The following KCNK13 variants were observed in gnomAD, a reference collection of about 807,000 sequenced individuals.
KCNK13 encodes the protein potassium channel subfamily K member 13.
In KCNK13, 12 loss-of-function variants were observed where a neutral mutation model predicts 23.4. The observed-to-expected ratio is 0.51, with a 90% CI of 0.33 to 0.83. The LOEUF is 0.83. Among genes scored for constraint, KCNK13 ranks in the 40% least tolerant of loss-of-function variants. KCNK13 has a pLI of 0.02. For missense variants in KCNK13, 463 were observed against 556.3 expected (o/e 0.83, Z 1.69); for synonymous variants, 231 against 229.5 (o/e 1.01, Z -0.06).
intron 1 of KCNK13, among the ~76,000 whole-genome samples, chr14:90,125,221 ATTT>A (rs57748519): frequency 1.6e-3 from 234 of 144,452 alleles, no homozygotes; most frequent in African/African-American, 5.3e-3. Context: ...GATCTACTTA[ATTT>A]TTTTTTTTTT....
At chr14:90,100,991 G>C (rs1303181241) in intron 1 of KCNK13, among the ~76,000 whole-genome samples, 2 of 152,096 alleles carry the variant, frequency 1.3e-5, no homozygotes, top group Non-Finnish European at 2.9e-5. Flanking sequence ...ACCGTGCCTG[G>C]CCAGCACGAG....
At chr14:90,132,712 C>T (rs1889889630) in intron 1 of KCNK13, among the ~76,000 whole-genome samples, 1 of 152,064 alleles carries the variant, frequency 6.6e-6, no homozygotes, top group African/African-American at 2.4e-5. Context: ...TACTTAATGC[C>T]ACTGAACTGT....
intron 1 of KCNK13, among the ~76,000 whole-genome samples, chr14:90,134,638 G>C (rs1297668989): frequency 2.6e-5 from 4 of 152,196 alleles, no homozygotes; most frequent in African/African-American, 4.8e-5. Context: ...CTTTACATTA[G>C]TATAGGATAA....
intron 1 of KCNK13, among the ~76,000 whole-genome samples, chr14:90,080,196 G>C (rs1162838038): frequency 1.3e-5 from 2 of 152,280 alleles, no homozygotes; most frequent in Admixed American, 1.3e-4. Flanking sequence ...GCTCACACCT[G>C]TAACCCCAGC....
rs1166128657 is a variant in KCNK13 at position 90,125,615 on chromosome 14, ACACACACACACG to A, written c.335-58494_335-58483del. ...CACACACACGCACACACACACACAC[ACACACACACACG>A]CGCACACACACACAATGATGGAGTA... On this transcript the variant is annotated intron_variant, in intron 1 of 1. Coordinates refer to ENST00000282146, the MANE Select transcript of KCNK13 (RefSeq NM_022054.4). Among the ~76,000 whole-genome samples the A allele has an allele frequency of 4.3e-3, 283 of 65,412 alleles. 1 individual carries two copies. Among genetic ancestry groups the A allele is most frequent in the African/African-American group, 0.014 (240 of 17,676 alleles). The allele number at this position is 65,412 out of a possible 152,430, so 42.9% of individuals were successfully genotyped here.
intron 1 of KCNK13, among the ~76,000 whole-genome samples, chr14:90,097,427 G>A (rs373184608): frequency 3.9e-5 from 6 of 152,048 alleles, no homozygotes; most frequent in African/African-American, 1.4e-4. Context: ...TCACCAAAGC[G>A]AGAACTCACT....
chr14:90,072,036 T>C (rs1424473593), intron 1 of KCNK13, among the ~76,000 whole-genome samples: 1 of 152,126 alleles, frequency 6.6e-6, no homozygotes, highest in Non-Finnish European at 1.5e-5. Context: ...AAGCACGCAG[T>C]CCTGCCGAGG....
chr14:90,101,996 G>A (rs1008929912), intron 1 of KCNK13, among the ~76,000 whole-genome samples: 1 of 151,296 alleles, frequency 6.6e-6, no homozygotes, highest in African/African-American at 2.4e-5. Flanking sequence ...CGATTCTCCT[G>A]CCTCAGCCTC....
chr14:90,095,046 A>G (rs1369180517), intron 1 of KCNK13, among the ~76,000 whole-genome samples: 2 of 152,236 alleles, frequency 1.3e-5, no homozygotes, highest in Non-Finnish European at 2.9e-5. Context: ...TTTAAAATAA[A>G]TGGATTACGT....
chr14:90,083,749 T>A (rs1201105147), intron 1 of KCNK13, among the ~76,000 whole-genome samples: 3 of 152,224 alleles, frequency 2.0e-5, no homozygotes, highest in Admixed American at 6.5e-5. Context: ...TTCTAAGAAG[T>A]AAATTTCTGT....
intron 1 of KCNK13, among the ~76,000 whole-genome samples, chr14:90,135,608 A>T (rs1390953697): frequency 6.6e-6 from 1 of 152,138 alleles, no homozygotes; most frequent in Non-Finnish European, 1.5e-5. Context: ...ATGGCCTGTA[A>T]TGTCATTGGC....
chr14:90,125,378 C>T (rs924014337), intron 1 of KCNK13, among the ~76,000 whole-genome samples: 20 of 151,962 alleles, frequency 1.3e-4, no homozygotes, highest in African/African-American at 4.8e-4. Context: ...CGCCCGCCAC[C>T]ACACCCCGCT....
intron 1 of KCNK13, among the ~76,000 whole-genome samples, chr14:90,152,020 A>T (rs1890138785): frequency 6.6e-6 from 1 of 152,076 alleles, no homozygotes; most frequent in Admixed American, 6.6e-5. Flanking sequence ...TTTTGGTTAC[A>T]GTAGCTGATA....
chr14:90,103,577 T>C (rs1314396606), intron 1 of KCNK13, among the ~76,000 whole-genome samples: 1 of 152,094 alleles, frequency 6.6e-6, no homozygotes, highest in Non-Finnish European at 1.5e-5. Context: ...CAGGTTTTCT[T>C]TTCTTGGGGG....
chr14:90,127,717 G>T (rs1596789747), intron 1 of KCNK13, among the ~76,000 whole-genome samples: 1 of 150,480 alleles, frequency 6.6e-6, no homozygotes. Context: ...TACTCATAAG[G>T]CTGAGGCGGG....
In KCNK13 at chr14:90,103,151, G is replaced by A. The variant is rs1596778834; in HGVS notation, c.334+40612G>A. On this transcript the variant is annotated intron_variant, in intron 1 of 1. Transcript: ENST00000282146. ...CTGCATAATATTCCATGTTGTATAT[G>A]TATAATACCACATTGTCTTAATCCA... Among the ~76,000 whole-genome samples the A allele has an allele frequency of 2.0e-5, 3 of 152,164 alleles. No homozygotes were observed. The East Asian group carries it at 5.8e-4, about 29-fold the overall frequency.
At chr14:90,085,925 C>A (rs1169991240) in intron 1 of KCNK13, among the ~76,000 whole-genome samples, 1 of 146,688 alleles carries the variant, frequency 6.8e-6, no homozygotes, top group Non-Finnish European at 1.5e-5. Context: ...TTTTCTTATG[C>A]CCTTTGTCTT....
intron 1 of KCNK13, among the ~76,000 whole-genome samples, chr14:90,147,435 T>TCTC (rs56236850): frequency 0.98 from 148,357 of 151,648 alleles, 72,535 homozygotes; most frequent in Non-Finnish European, 0.98. Flanking sequence ...TGGGATAGGA[T>TCTC]CTTCTTTCTT....
At chr14:90,144,298 A>G (rs951479579) in intron 1 of KCNK13, among the ~76,000 whole-genome samples, 7 of 152,054 alleles carry the variant, frequency 4.6e-5, no homozygotes, top group Non-Finnish European at 7.4e-5. Flanking sequence ...AGTATTTCAT[A>G]TTTTTGATGC....
Sources: allele counts gnomAD v4.1 joint callset (sites outside exome capture counted in the v4.1 genomes callset), GRCh38; gene constraint gnomAD v4.1.1; transcripts MANE v1.5; gene names NCBI Gene and HGNC (gene_info 2026-07-23, HGNC 2026-07-21).